Variants in PDE4D observed in about 807,000 individuals in gnomAD.
PDE4D encodes the protein phosphodiesterase 4D, also known as 3',5'-cyclic-AMP phosphodiesterase 4D.
Under a neutral mutation model 87.4 loss-of-function variants are expected in PDE4D, and 24 were observed. The ratio of observed to expected loss-of-function variants is 0.27; its 90% CI spans 0.20 to 0.39. PDE4D has a LOEUF of 0.39. Among genes scored for constraint, PDE4D ranks in the 10% least tolerant of loss-of-function variants. The pLI, the probability that PDE4D is intolerant of heterozygous loss-of-function variation, is 1.00. For synonymous variants in PDE4D, 384 were observed against 383.2 expected (o/e 1.00, Z -0.02); for missense variants, 714 against 1,041.0 (o/e 0.69, Z 4.32).
At position 60,062,237 on chromosome 5, in the gene PDE4D, A is replaced by G. The variant is rs114354568; in HGVS notation, c.43-73520T>C. Among the ~76,000 whole-genome samples the G allele has an allele frequency of 6.0e-3, 919 of 152,288 alleles. 12 individuals are homozygous for G. The highest frequency in any genetic ancestry group is 0.02 in the African/African-American group (835 of 41,554). On this transcript the variant is annotated intron_variant, in intron 2 of 16. Transcript: ENST00000502484. ...CAAGAAAAACACAAGAAAACCCATT[A>G]AAAAGTGGGCAAAAACATGAACAGA...
At chr5:59,008,644 AAC>A (rs1368682543) in intron 6 of PDE4D, among the ~76,000 whole-genome samples, 1 of 152,096 alleles carries the variant, frequency 6.6e-6, no homozygotes, top group Non-Finnish European at 1.5e-5. Flanking sequence ...TCTAGAAGAA[AAC>A]ACAGTAGAAA....
chr5:60,074,943 T>G (rs1773122182), intron 2 of PDE4D, among the ~76,000 whole-genome samples: 1 of 152,194 alleles, frequency 6.6e-6, no homozygotes, highest in Admixed American at 6.5e-5. Flanking sequence ...CATTGGGTCA[T>G]TCTTCTTTAT....
intron 3 of PDE4D, among the ~76,000 whole-genome samples, chr5:59,985,136 TTG>T (rs1762309598): frequency 1.8e-5 from 2 of 113,932 alleles, no homozygotes; most frequent in Non-Finnish European, 4.1e-5. Context: ...TTTTTGTTTT[TTG>T]TTTTTTGTTT....
chr5:60,457,085 C>T (rs1386572902), intron 1 of PDE4D, among the ~76,000 whole-genome samples: 3 of 152,148 alleles, frequency 2.0e-5, no homozygotes, highest in Non-Finnish European at 2.9e-5. Context: ...TGGAACACTT[C>T]GAATAAACTG....
intron 2 of PDE4D, among the ~76,000 whole-genome samples, chr5:60,023,455 C>T (rs1210281407): frequency 1.3e-5 from 2 of 152,164 alleles, no homozygotes; most frequent in Non-Finnish European, 2.9e-5. Flanking sequence ...ATTTCCTAGA[C>T]CTCAGCTCCA....
At chr5:59,122,242 A>C (rs1019894862) in intron 5 of PDE4D, among the ~76,000 whole-genome samples, 4 of 152,106 alleles carry the variant, frequency 2.6e-5, no homozygotes, top group African/African-American at 9.7e-5. Flanking sequence ...AAAGAATAAA[A>C]TCGTCATTTA....
At chr5:59,602,871 G>A (rs1179452443) in intron 1 of PDE4D, among the ~76,000 whole-genome samples, 11 of 151,884 alleles carry the variant, frequency 7.2e-5, no homozygotes, top group African/African-American at 2.4e-4. Flanking sequence ...TAGAGAGCCA[G>A]AAATAAACCC....
At chr5:59,525,410 T>C (rs2153675935) in intron 1 of PDE4D, among the ~76,000 whole-genome samples, 1 of 152,356 alleles carries the variant, frequency 6.6e-6, no homozygotes, top group East Asian at 1.9e-4. Context: ...GGAATGAGTG[T>C]ATTTACCCAA....
chr5:59,442,696 G>A (rs1181631205), intron 1 of PDE4D, among the ~76,000 whole-genome samples: 1 of 152,200 alleles, frequency 6.6e-6, no homozygotes, highest in Non-Finnish European at 1.5e-5. Flanking sequence ...AAAGCAGAGG[G>A]AATAGGTGCA....
intron 1 of PDE4D, among the ~76,000 whole-genome samples, chr5:59,390,254 C>A (rs565832351): frequency 1.3e-5 from 2 of 152,180 alleles, no homozygotes; most frequent in East Asian, 1.9e-4. Context: ...CAAGATGGCG[C>A]TCTCTAATTT....
intron 1 of PDE4D, among the ~76,000 whole-genome samples, chr5:59,608,566 G>C (rs1828539705): frequency 6.6e-6 from 1 of 152,112 alleles, no homozygotes; most frequent in Non-Finnish European, 1.5e-5. Flanking sequence ...TCTAAATGAA[G>C]TAACCCCCTT....
chr5:59,382,705 A>G (rs1482090429), intron 1 of PDE4D, among the ~76,000 whole-genome samples: 1 of 152,172 alleles, frequency 6.6e-6, no homozygotes. Context: ...TCTGCATTAC[A>G]AGACATTTTT....
At chr5:60,053,151 G>C (rs186646631) in intron 2 of PDE4D, among the ~76,000 whole-genome samples, 209 of 152,170 alleles carry the variant, frequency 1.4e-3, no homozygotes, top group African/African-American at 4.8e-3. Flanking sequence ...TCCCCATCAA[G>C]CTACCACTGA....
At chr5:59,999,502 A>G (rs548163909) in intron 2 of PDE4D, among the ~76,000 whole-genome samples, 1 of 150,118 alleles carries the variant, frequency 6.7e-6, no homozygotes, top group East Asian at 2.0e-4. Context: ...ACACACACAA[A>G]TTCAAAGAAG....
chr5:60,141,438 A>T (rs373398257), intron 2 of PDE4D, among the ~76,000 whole-genome samples: 1 of 152,294 alleles, frequency 6.6e-6, no homozygotes, highest in East Asian at 1.9e-4. Context: ...CATGGAAAAT[A>T]TACTGAGGCA....
chr5:59,605,891 A>G (rs1451006164), intron 1 of PDE4D, among the ~76,000 whole-genome samples: 1 of 152,062 alleles, frequency 6.6e-6, no homozygotes, highest in African/African-American at 2.4e-5. Flanking sequence ...CTAAACGGGA[A>G]ACTCATTAGA....
intron 1 of PDE4D, among the ~76,000 whole-genome samples, chr5:59,504,443 A>G (rs1247642925): frequency 2.6e-5 from 4 of 152,172 alleles, no homozygotes; most frequent in Non-Finnish European, 1.5e-5. Flanking sequence ...GCTAACTAGT[A>G]TGTACCAATC....
intron 3 of PDE4D, among the ~76,000 whole-genome samples, chr5:59,976,256 C>T (rs916953979): frequency 6.6e-6 from 1 of 152,040 alleles, no homozygotes; most frequent in Admixed American, 6.6e-5. Flanking sequence ...TACAGGCATA[C>T]TTGTTTTATT....
chr5:60,161,273 T>C (rs78282764), intron 2 of PDE4D, among the ~76,000 whole-genome samples: 2,952 of 152,268 alleles, frequency 0.019, 91 homozygotes, highest in African/African-American at 0.068. Flanking sequence ...AGATCCATTT[T>C]GGCTTTTGAG....
Sources: gnomAD v4.1 joint callset for allele counts (sites outside exome capture counted in the v4.1 genomes callset) on GRCh38, gnomAD v4.1.1 for gene constraint, MANE v1.5 for transcripts, NCBI Gene and HGNC (gene_info 2026-07-23, HGNC 2026-07-21) for gene names.